The following IL1RAPL2 variants were observed in gnomAD, a reference collection of about 807,000 sequenced individuals.
IL1RAPL2 encodes X-linked interleukin-1 receptor accessory protein-like 2.
In IL1RAPL2, 3 loss-of-function variants were observed where a neutral mutation model predicts 44.1. The observed-to-expected ratio is 0.07, with a 90% CI of 0.03 to 0.18. IL1RAPL2 has a LOEUF of 0.18. Ranked by LOEUF, IL1RAPL2 falls within the 10% of genes least tolerant of loss-of-function variation. IL1RAPL2 has a pLI of 1.00. For synonymous variants in IL1RAPL2, 181 were observed against 178.8 expected, an observed-to-expected ratio of 1.01 and a Z score of -0.10; for missense variants, 391 against 496.4, an observed-to-expected ratio of 0.79 and a Z score of 2.02.
chrX:105,602,933 G>A (rs2037265054), intron 6 of IL1RAPL2, among the ~76,000 whole-genome samples: 1 of 110,476 alleles, frequency 9.1e-6, no homozygotes, highest in South Asian at 3.8e-4. Flanking sequence ...TACAAGAAAT[G>A]CTTTAAAGAC....
chrX:105,408,713 C>T (rs2035669248), intron 5 of IL1RAPL2, among the ~76,000 whole-genome samples: 1 of 111,222 alleles, frequency 9.0e-6, no homozygotes, highest in African/African-American at 3.3e-5. Context: ...TCACTCTGTA[C>T]TATATTTTCA....
At chrX:104,619,118 T>G (rs1929335025) in intron 1 of IL1RAPL2, among the ~76,000 whole-genome samples, 1 of 111,872 alleles carries the variant, frequency 8.9e-6, no homozygotes, top group Non-Finnish European at 1.9e-5. Context: ...CTGAAACCCT[T>G]TCCACAGTTC....
chrX:105,214,856 C>A (rs2033839881), intron 3 of IL1RAPL2, among the ~76,000 whole-genome samples: 1 of 110,823 alleles, frequency 9.0e-6, no homozygotes, highest in Non-Finnish European at 1.9e-5. Context: ...ATTGAACAAT[C>A]TTCTCCTGGG....
intron 3 of IL1RAPL2, among the ~76,000 whole-genome samples, chrX:105,225,308 AATTTT>A (rs1294704436): frequency 8.9e-6 from 1 of 112,391 alleles, no homozygotes; most frequent in Admixed American, 9.4e-5. Flanking sequence ...TGATGACAAA[AATTTT>A]ATTTTGAGTG....
intron 2 of IL1RAPL2, among the ~76,000 whole-genome samples, chrX:105,056,891 A>G (rs2032000788): frequency 9.0e-6 from 1 of 110,591 alleles, no homozygotes. Flanking sequence ...AGTATCGGGA[A>G]TTCATATGAA....
At chrX:104,797,466 T>C (rs923917966) in intron 2 of IL1RAPL2, among the ~76,000 whole-genome samples, 1 of 111,417 alleles carries the variant, frequency 9.0e-6, no homozygotes, top group Admixed American at 9.5e-5. Context: ...TCAAATAAAT[T>C]GGGAAATGAT....
At chrX:105,264,534 G>A (rs2034386423) in intron 4 of IL1RAPL2, among the ~76,000 whole-genome samples, 1 of 111,259 alleles carries the variant, frequency 9.0e-6, no homozygotes, top group Admixed American at 9.6e-5. Context: ...AGACTTCTGA[G>A]AGTCTATATA....
chrX:104,887,256 C>T (rs1023196882), intron 2 of IL1RAPL2, among the ~76,000 whole-genome samples: 2 of 112,202 alleles, frequency 1.8e-5, no homozygotes, highest in African/African-American at 6.5e-5. Context: ...GGGACAGAAA[C>T]AGCCTTCAAA....
chrX:104,803,314 T>A (rs1932897573), intron 2 of IL1RAPL2, among the ~76,000 whole-genome samples: 1 of 111,787 alleles, frequency 8.9e-6, no homozygotes, highest in Non-Finnish European at 1.9e-5. Context: ...ACCACCTTCA[T>A]ATCCACACAT....
chrX:104,814,962 A>G (rs914857905), intron 2 of IL1RAPL2, among the ~76,000 whole-genome samples: 4 of 111,895 alleles, frequency 3.6e-5, no homozygotes, highest in African/African-American at 6.5e-5. Flanking sequence ...TGAGGCCTCA[A>G]ATTAACTTCA....
chrX:104,794,942 A>G, intron 2 of IL1RAPL2, among the ~76,000 whole-genome samples: 1 of 111,670 alleles, frequency 9.0e-6, no homozygotes, highest in Non-Finnish European at 1.9e-5. Flanking sequence ...ATGTGTATTA[A>G]TTATTAGGCT....
At chrX:104,888,274 C>G (rs1923312925) in intron 2 of IL1RAPL2, among the ~76,000 whole-genome samples, 1 of 97,485 alleles carries the variant, frequency 1.0e-5, no homozygotes, top group African/African-American at 3.8e-5. Flanking sequence ...GAGACAGAGA[C>G]AAGGAAGGAG....
At chrX:105,745,552 ACTTT>A (rs2038533981) in intron 8 of IL1RAPL2, among the ~76,000 whole-genome samples, 1 of 112,281 alleles carries the variant, frequency 8.9e-6, no homozygotes. Flanking sequence ...CATAGATGGC[ACTTT>A]CTTTGTGTCC....
chrX:105,030,525 T>C (rs1033291538), intron 2 of IL1RAPL2, among the ~76,000 whole-genome samples: 2 of 111,994 alleles, frequency 1.8e-5, no homozygotes, highest in Non-Finnish European at 3.8e-5. Context: ...TTTCTTGTTT[T>C]TGTCAGGTTT....
At position 104,849,378 on chromosome X, in the gene IL1RAPL2, C is replaced by T. The variant is rs368270634; in HGVS notation, c.82+190383C>T. ...ATAATATATATATATGGATTACTTA[C>T]GGAAACTAAGATATTAGACAAAGCT... On this transcript the variant is annotated intron_variant, in intron 2 of 10. Coordinates refer to ENST00000372582, the MANE Select transcript of IL1RAPL2 (RefSeq NM_017416.2). Among the ~76,000 whole-genome samples the T allele has an allele frequency of 3.6e-4, 21 of 58,322 alleles. No homozygotes were observed. In the East Asian group the frequency reaches 9.1e-3, roughly 25 times the overall value. 50.6% of individuals were successfully genotyped at this position (58,322 alleles called of 115,157 possible).
At chrX:104,614,658 T>C (rs1032539197) in intron 1 of IL1RAPL2, among the ~76,000 whole-genome samples, 1 of 111,771 alleles carries the variant, frequency 8.9e-6, no homozygotes, top group African/African-American at 3.2e-5. Flanking sequence ...GGCTAAGTCT[T>C]TTGTAGGTTT....
intron 2 of IL1RAPL2, among the ~76,000 whole-genome samples, chrX:105,115,352 G>A (rs1292454268): frequency 1.8e-5 from 2 of 111,392 alleles, no homozygotes; most frequent in Admixed American, 9.5e-5. Flanking sequence ...TGCTAGGTTG[G>A]GCAGCCTGCC....
chrX:105,520,837 G>C (rs774828274), intron 6 of IL1RAPL2, among the ~76,000 whole-genome samples: 1 of 107,754 alleles, frequency 9.3e-6, no homozygotes, highest in Non-Finnish European at 1.9e-5. Context: ...ATGATGTTAA[G>C]CCAGATATTT....
At chrX:105,024,046 C>T (rs1219257599) in intron 2 of IL1RAPL2, among the ~76,000 whole-genome samples, 1 of 111,444 alleles carries the variant, frequency 9.0e-6, no homozygotes, top group Non-Finnish European at 1.9e-5. Context: ...TCATGATTAA[C>T]TGAAACTCTG....
Sources: allele counts gnomAD v4.1 joint callset (sites outside exome capture counted in the v4.1 genomes callset), GRCh38; gene constraint gnomAD v4.1.1; transcripts MANE v1.5; gene names NCBI Gene and HGNC (gene_info 2026-07-23, HGNC 2026-07-21).